Variants in VPS13C observed in about 807,000 individuals in gnomAD.
VPS13C encodes the protein vacuolar protein sorting 13 homolog C, also known as intermembrane lipid transfer protein VPS13C.
VPS13C carries 358 observed loss-of-function variants against 456.8 expected under a neutral mutation model. That is an observed-to-expected ratio of 0.78 (90% CI 0.72 to 0.86). The LOEUF is 0.86. VPS13C is among the 40% of genes least tolerant of loss of function. The pLI is 0.00. For missense variants in VPS13C, 4,818 were observed against 4,385.4 expected (o/e 1.10, Z -2.79); for synonymous variants, 1,578 against 1,486.7 (o/e 1.06, Z -1.41).
chr15:62,037,981 T>C (rs1322354632), intron 3 of VPS13C, among the ~76,000 whole-genome samples: 1 of 152,108 alleles, frequency 6.6e-6, no homozygotes, highest in East Asian at 1.9e-4. Context: ...TGCTAAGAGA[T>C]GCTAGAGTAG....
In VPS13C at chr15:61,875,855, A is replaced by G. The variant is rs1427278654; in HGVS notation, c.10225-10T>C. ...ACATCTGTTTCAAGAACTAAAAAAG[A>G]AAAAAAATTAAATTAAGTCCTTCAC... On this transcript the variant is annotated splice_polypyrimidine_tract_variant and intron_variant, in intron 75 of 84. Coordinates refer to ENST00000644861, the MANE Select transcript of VPS13C (RefSeq NM_020821.3). 6.6e-7 allele frequency: 1 copy of G among 1,518,604 alleles called. No homozygotes were observed. Among genetic ancestry groups the G allele is most frequent in the African/African-American group, 1.4e-5 (1 of 70,174 alleles). 94.1% of individuals were successfully genotyped at this position (1,518,604 alleles called of 1,614,324 possible).
chr15:62,014,112 G>A (rs779714214), intron 9 of VPS13C, 120 bp from the exon 10 acceptor site: 9 of 561,016 alleles, frequency 1.6e-5, no homozygotes, highest in East Asian at 5.8e-5. Flanking sequence ...ATGTTAACTA[G>A]TATTAGCTAT....
chr15:61,980,974 T>C (rs961981177), intron 22 of VPS13C, among the ~76,000 whole-genome samples: 5 of 152,202 alleles, frequency 3.3e-5, no homozygotes, highest in African/African-American at 1.2e-4. Flanking sequence ...TTACTGACAG[T>C]GGTTTAACAA....
chr15:61,880,698 C>T lies in VPS13C; in HGVS notation c.9913G>A (p.Asp3305Asn), dbSNP rs759961934. 2.5e-6 allele frequency: 4 copies of T among 1,589,184 alleles called. No homozygotes were observed. The highest frequency in any genetic ancestry group is 3.4e-6 in the Non-Finnish European group (4 of 1,170,604). The change falls in exon 73 of 85, where the codon GAT becomes AAT. Residue 3305 changes from aspartate to asparagine, a missense_variant. By Grantham distance (23) the Asp-to-Asn change is conservative (BLOSUM62 1). Transcript: ENST00000644861. The stretch of plus-strand genomic sequence containing the variant: ...TCCATTAATTCTGCATTTAGAGCAT[C>T]AATATCTTGTTGGATTAACTTTGTC... ...RRTKLIQQDI[D>N]ALNAELMETS...
At position 61,881,639 on chromosome 15, in the gene VPS13C, G is replaced by T. The variant is rs762136508; in HGVS notation, c.9707-7C>A. On this transcript the variant is annotated splice_region_variant and splice_polypyrimidine_tract_variant and intron_variant, in intron 70 of 84. Coordinates refer to ENST00000644861, the MANE Select transcript of VPS13C (RefSeq NM_020821.3). ...TCAATGAAAGGCTTGGGCTCTAAGA[G>T]GAAGAAGTAACACATAAAAAAAAAT... The T allele has an allele frequency of 1.2e-6, 2 of 1,611,768 alleles. No individual in the cohort carries two copies. The highest frequency in any genetic ancestry group is 1.7e-6 in the Non-Finnish European group (2 of 1,179,042).
chr15:61,988,078 A>AAAT (rs2046112658), intron 18 of VPS13C, among the ~76,000 whole-genome samples: 2 of 152,238 alleles, frequency 1.3e-5, no homozygotes, highest in Admixed American at 6.5e-5. Flanking sequence ...CACATACTCA[A>AAAT]CATGGATGAA....
intron 82 of VPS13C, among the ~76,000 whole-genome samples, chr15:61,857,378 T>A (rs1473113329): frequency 1.3e-5 from 2 of 152,052 alleles, no homozygotes; most frequent in Admixed American, 6.5e-5. Context: ...GAGTTCTCTA[T>A]GTGGGTAAGG....
At chr15:61,940,560 T>A in intron 47 of VPS13C, 87 bp downstream of exon 47, 1 of 1,333,140 alleles carries the variant, frequency 7.5e-7, no homozygotes, top group Non-Finnish European at 1.0e-6. Context: ...TAGCAACTCC[T>A]ACATTCTGAT....
At chr15:61,926,796 G>A (rs1200582618) in intron 52 of VPS13C, among the ~76,000 whole-genome samples, 1 of 152,082 alleles carries the variant, frequency 6.6e-6, no homozygotes, top group East Asian at 1.9e-4. Context: ...ATACCACGGT[G>A]AACAAAAGAA....
At chr15:62,013,544 C>G (rs2047120206) in intron 10 of VPS13C, among the ~76,000 whole-genome samples, 1 of 151,946 alleles carries the variant, frequency 6.6e-6, no homozygotes, top group African/African-American at 2.4e-5. Flanking sequence ...TGGAGATTCA[C>G]AGTGTTTGTT....
At chr15:61,911,238 A>C (rs1294604435) in intron 63 of VPS13C, among the ~76,000 whole-genome samples, 1 of 152,038 alleles carries the variant, frequency 6.6e-6, no homozygotes, top group Non-Finnish European at 1.5e-5. Flanking sequence ...ACCTCCTCTA[A>C]TCTTACTGAG....
Position 62,012,156 on chromosome 15 carries a change from C to T in VPS13C, c.834G>A (p.Leu278=). The T allele has an allele frequency of 1.3e-6, 2 of 1,547,262 alleles. No individual in the cohort carries two copies. The highest frequency in any genetic ancestry group is 1.1e-5 in the South Asian group (1 of 88,838). ...QRSREQILDQ[L]KNEILTSGNI... ...TTCCACTTGTAAGAATTTCATTTTT[C>T]AGCTGATCCTAAACAAAAAATTTGA... The change falls in exon 12 of 85, where the codon CTG becomes CTA. Residue 278 remains leucine (L), a synonymous_variant. Transcript: ENST00000644861.
Position 61,914,878 on chromosome 15 carries a change from TAA to T in VPS13C, c.8445+753_8445+754del, listed in dbSNP as rs60910951. Reference sequence around the variant, plus strand: ...ACCGAGCCTGGCCAAAACTCTGCCTTAAAAAAAAAAAAAAAAAAAAAAAAAAA... The same window carrying T: ...ACCGAGCCTGGCCAAAACTCTGCCTTAAAAAAAAAAAAAAAAAAAAAAAAA... On this transcript the variant is annotated intron_variant, in intron 61 of 84. Coordinates refer to ENST00000644861, the MANE Select transcript of VPS13C (RefSeq NM_020821.3). Among the ~76,000 whole-genome samples, 143 of 102,044 alleles carry T rather than the reference TAA, an allele frequency of 1.4e-3. 5 individuals carry two copies. The East Asian group carries it at 0.025, about 18-fold the overall frequency. 66.9% of individuals were successfully genotyped at this position (102,044 alleles called of 152,430 possible).
chr15:62,025,214 A>T (rs2047596714), intron 6 of VPS13C, among the ~76,000 whole-genome samples: 3 of 152,130 alleles, frequency 2.0e-5, no homozygotes, highest in Non-Finnish European at 4.4e-5. Context: ...ATGGAGCTTG[A>T]AATTTTTAAT....
At chr15:61,893,846 G>A (rs991543725) in intron 66 of VPS13C, among the ~76,000 whole-genome samples, 1 of 151,838 alleles carries the variant, frequency 6.6e-6, no homozygotes, top group Non-Finnish European at 1.5e-5. Flanking sequence ...AATGTATTGT[G>A]TCTATAAGAT....
chr15:61,961,295 G>A (rs1399967867), intron 35 of VPS13C, among the ~76,000 whole-genome samples: 6 of 151,688 alleles, frequency 4.0e-5, no homozygotes, highest in Non-Finnish European at 7.4e-5. Context: ...GGGAGGCTGA[G>A]GCAGGAGGAT....
intron 38 of VPS13C, among the ~76,000 whole-genome samples, chr15:61,952,774 A>T (rs535981740): frequency 2.0e-5 from 3 of 152,204 alleles, no homozygotes. Flanking sequence ...GCTGGAGTGC[A>T]GTGGCACAAT....
intron 81 of VPS13C, chr15:61,864,212 A>C (rs1007875542): frequency 3.5e-6 from 2 of 568,552 alleles, no homozygotes; most frequent in Non-Finnish European, 4.4e-6. Flanking sequence ...AGAAAATATG[A>C]CAATATTAAT....
At chr15:62,017,730 G>C (rs962212460) in intron 9 of VPS13C, among the ~76,000 whole-genome samples, 7 of 152,150 alleles carry the variant, frequency 4.6e-5, no homozygotes, top group Non-Finnish European at 1.0e-4. Flanking sequence ...GATGCCTCCA[G>C]CTTTGTTCTT....
Sources: gnomAD v4.1 joint callset for allele counts (sites outside exome capture counted in the v4.1 genomes callset) on GRCh38, gnomAD v4.1.1 for gene constraint, MANE v1.5 for transcripts, NCBI Gene and HGNC (gene_info 2026-07-23, HGNC 2026-07-21) for gene names.